Variants in UMAD1 observed in about 807,000 individuals in gnomAD.
UMAD1 encodes UBAP1-MVB12-associated (UMA)-domain containing protein 1.
UMAD1 carries 8 observed loss-of-function variants against 6.1 expected under a neutral mutation model. The ratio of observed to expected loss-of-function variants is 1.30; its 90% CI spans 0.76 to 2.35. UMAD1 has a LOEUF of 2.35. Ranked by LOEUF, UMAD1 falls within the 30% of genes most tolerant of loss-of-function variation. The probability of loss-of-function intolerance (pLI) is 0.00; values close to 1 mark genes in which losing one functional copy is unlikely to be tolerated. For synonymous variants in UMAD1, 56 were observed against 31.4 expected (o/e 1.78, Z -2.61); for missense variants, 130 against 78.4 (o/e 1.66, Z -2.49).
chr7:7,869,520 T>G (rs1387280726), intron 3 of UMAD1, among the ~76,000 whole-genome samples: 1 of 152,214 alleles, frequency 6.6e-6, no homozygotes, highest in African/African-American at 2.4e-5. Context: ...TAGGTTCTAT[T>G]GCTGTTTTAG....
intron 1 of UMAD1, among the ~76,000 whole-genome samples, chr7:7,651,926 A>T (rs1785230558): frequency 6.6e-6 from 1 of 152,110 alleles, no homozygotes. Context: ...TTGGGCAGTT[A>T]CACACCATTC....
At chr7:7,666,298 G>A (rs992101113) in intron 1 of UMAD1, among the ~76,000 whole-genome samples, 8 of 151,936 alleles carry the variant, frequency 5.3e-5, no homozygotes, top group Admixed American at 2.6e-4. Flanking sequence ...CGACATCCTG[G>A]TCTCAAGCAA....
chr7:7,647,528 A>G (rs752474123), intron 1 of UMAD1, among the ~76,000 whole-genome samples: 10 of 152,190 alleles, frequency 6.6e-5, no homozygotes, highest in Non-Finnish European at 1.5e-4. Flanking sequence ...TAATATCTCA[A>G]TTATCGATAA....
rs1311247093 is a variant in UMAD1 at position 7,878,483 on chromosome 7, A to G, written c.*945A>G. The G allele has an allele frequency of 6.6e-6, 1 of 152,244 alleles. No homozygotes were observed. The highest frequency in any genetic ancestry group is 1.5e-5 in the Non-Finnish European group (1 of 68,038). The allele number at this position is 152,244 out of a possible 1,614,324, so 9.4% of individuals were successfully genotyped here. A position where few individuals can be genotyped will look rare whatever the true frequency, so the allele number is the denominator to read the frequency against. On this transcript the variant is annotated 3_prime_UTR_variant, in exon 4 of 4. Coordinates refer to ENST00000682710, the MANE Select transcript of UMAD1 (RefSeq NM_001302348.2). ...ACTCATTTCCAATTAGAGTATAGGC[A>G]GAACACCTAGATATGACTTTTAGTT... is the stretch of plus-strand genomic sequence containing the variant.
intron 2 of UMAD1, among the ~76,000 whole-genome samples, chr7:7,752,472 A>T (rs1403258215): frequency 1.3e-5 from 2 of 152,154 alleles, no homozygotes; most frequent in African/African-American, 4.8e-5. Flanking sequence ...TAGTTGCCAC[A>T]TATGAAACTT....
At chr7:7,660,987 G>A (rs1785460820) in intron 1 of UMAD1, among the ~76,000 whole-genome samples, 1 of 140,304 alleles carries the variant, frequency 7.1e-6, no homozygotes, top group African/African-American at 2.8e-5. Context: ...TTTCTTGGAG[G>A]CTTTGTTCAT....
At position 7,729,757 on chromosome 7, in the gene UMAD1, C is replaced by T. The variant is rs762340747; in HGVS notation, c.82+56304C>T. ...GTGGAGCCAGCCATTCTCTTTTCTA[C>T]CCCAGTCATTCTCTGCTGTGGTCTT... is the stretch of plus-strand genomic sequence containing the variant. On this transcript the variant is annotated intron_variant, in intron 2 of 3. Transcript: ENST00000682710. Among the ~76,000 whole-genome samples the T allele has an allele frequency of 2.6e-5, 4 of 152,308 alleles. No homozygotes were observed. In the East Asian group the frequency reaches 5.8e-4, roughly 22 times the overall value.
chr7:7,768,694 G>T (rs1782041656), intron 2 of UMAD1, among the ~76,000 whole-genome samples: 1 of 152,052 alleles, frequency 6.6e-6, no homozygotes, highest in Admixed American at 6.5e-5. Context: ...TTTCACTGCT[G>T]AATCCTCAGC....
At chr7:7,681,055 TTGA>T (rs1222882840) in intron 2 of UMAD1, among the ~76,000 whole-genome samples, 1 of 152,160 alleles carries the variant, frequency 6.6e-6, no homozygotes, top group Admixed American at 6.6e-5. Flanking sequence ...TGTGTGTTTG[TTGA>T]TGTCTAAATG....
At chr7:7,700,852 A>T (rs115588802) in intron 2 of UMAD1, among the ~76,000 whole-genome samples, 3,790 of 151,924 alleles carry the variant, frequency 0.025, 166 homozygotes, top group African/African-American at 0.087. Flanking sequence ...TGTGCCACTG[A>T]ACTCTGGCCT....
chr7:7,693,371 T>C (rs1394470947), intron 2 of UMAD1, among the ~76,000 whole-genome samples: 1 of 151,924 alleles, frequency 6.6e-6, no homozygotes, highest in Non-Finnish European at 1.5e-5. Context: ...CAATGTATAA[T>C]ATAGGAAAAT....
chr7:7,667,822 A>G lies in UMAD1; in HGVS notation c.-63-5487A>G, dbSNP rs574069785. Among the ~76,000 whole-genome samples the G allele has an allele frequency of 2.0e-5, 3 of 152,352 alleles. No individual in the cohort carries two copies. In the South Asian group the frequency reaches 6.2e-4, roughly 32 times the overall value. On this transcript the variant is annotated intron_variant, in intron 1 of 3. Coordinates refer to ENST00000682710, the MANE Select transcript of UMAD1 (RefSeq NM_001302348.2). ...GTTTCTGGTCTCTGCTGCTTTACTG[A>G]TGAAAAGCATTCAGTTTTGGTGCCA...
intron 1 of UMAD1, among the ~76,000 whole-genome samples, chr7:7,666,871 TC>T (rs1254660000): frequency 6.6e-6 from 1 of 152,040 alleles, no homozygotes; most frequent in East Asian, 1.9e-4. Flanking sequence ...AATGGTGGGG[TC>T]TCAGCTCACT....
intron 3 of UMAD1, among the ~76,000 whole-genome samples, chr7:7,802,610 G>A (rs369965700): frequency 1.3e-5 from 2 of 152,094 alleles, no homozygotes; most frequent in East Asian, 3.9e-4. Context: ...AAGACTTAAG[G>A]GGAATGTTAA....
In UMAD1 at chr7:7,674,930, T is replaced by A. The variant is rs1482881909; in HGVS notation, c.82+1477T>A. On this transcript the variant is annotated intron_variant, in intron 2 of 3. Transcript: ENST00000682710. ...CTCTTGTTTTCCACTCTGTTATATA[T>A]TCCTGATTTTAAAATACCTCTGAAG... 2.0e-5 allele frequency among the ~76,000 whole-genome samples: 3 copies of A among 152,146 alleles called. No homozygotes were observed. In the East Asian group the frequency reaches 5.8e-4, roughly 29 times the overall value.
chr7:7,827,885 AAT>A (rs1192677014), intron 3 of UMAD1, among the ~76,000 whole-genome samples: 2 of 152,180 alleles, frequency 1.3e-5, no homozygotes, highest in Admixed American at 1.3e-4. Flanking sequence ...GAAATATATA[AAT>A]ATGTTTAACC....
chr7:7,821,795 G>A (rs989350729), intron 3 of UMAD1, among the ~76,000 whole-genome samples: 1 of 152,094 alleles, frequency 6.6e-6, no homozygotes, highest in Non-Finnish European at 1.5e-5. Flanking sequence ...CTCTTCCCCT[G>A]ATGGCTTTTA....
In UMAD1 at chr7:7,647,813, C is replaced by T. The variant is rs1785131684; in HGVS notation, c.-64+6992C>T. On this transcript the variant is annotated intron_variant, in intron 1 of 3. Coordinates refer to ENST00000682710, the MANE Select transcript of UMAD1 (RefSeq NM_001302348.2). ...AGAGACGGGTTCTTTCTTTGTTGCCCAGGCTGGTCCATAACTGCTAGGCTC... is the reference window on the plus strand; with the variant it reads ...AGAGACGGGTTCTTTCTTTGTTGCCTAGGCTGGTCCATAACTGCTAGGCTC... Among the ~76,000 whole-genome samples, 3 of 152,246 alleles carry T rather than the reference C, an allele frequency of 2.0e-5. 1 individual carries two copies. The highest frequency in any genetic ancestry group is 4.1e-4 in the South Asian group (2 of 4,826).
intron 2 of UMAD1, among the ~76,000 whole-genome samples, chr7:7,792,885 G>A (rs979981916): frequency 6.6e-6 from 1 of 152,154 alleles, no homozygotes; most frequent in African/African-American, 2.4e-5. Context: ...CATGGCAGAA[G>A]GGGACAGCCC....
Sources: allele counts gnomAD v4.1 joint callset (sites outside exome capture counted in the v4.1 genomes callset), GRCh38; gene constraint gnomAD v4.1.1; transcripts MANE v1.5; gene names NCBI Gene and HGNC (gene_info 2026-07-23, HGNC 2026-07-21).